Variants in TEX14 observed in about 807,000 individuals in gnomAD.
TEX14 encodes inactive serine/threonine-protein kinase TEX14.
A neutral mutation model predicts 178.6 loss-of-function variants in TEX14; 168 were observed. The ratio of observed to expected loss-of-function variants is 0.94; its 90% CI spans 0.83 to 1.07. The LOEUF (loss-of-function observed/expected upper bound fraction) is 1.07. Among genes scored for constraint, TEX14 ranks in the 50% least tolerant of loss-of-function variants. The pLI is 0.00. For missense variants in TEX14, 1,730 were observed against 1,753.6 expected, an observed-to-expected ratio of 0.99 and a Z score of 0.24; for synonymous variants, 626 against 634.1, an observed-to-expected ratio of 0.99 and a Z score of 0.19.
intron 5 of TEX14, among the ~76,000 whole-genome samples, chr17:58,620,544 A>T (rs1321748397): frequency 6.6e-6 from 1 of 151,792 alleles, no homozygotes; most frequent in Non-Finnish European, 1.5e-5. Flanking sequence ...CCCAGGCTGG[A>T]GTGCAGTGGT....
In TEX14 at chr17:58,559,437, A is replaced by G. The variant is rs376081746; in HGVS notation, c.4267+16T>C. The G allele has an allele frequency of 9.9e-6, 11 of 1,114,862 alleles. No individual in the cohort carries two copies. The highest frequency in any genetic ancestry group is 1.8e-5 in the Admixed American group (1 of 55,528). 69.1% of individuals were successfully genotyped at this position (1,114,862 alleles called of 1,614,324 possible). A position where few individuals can be genotyped will look rare whatever the true frequency, so the allele number is the denominator to read the frequency against. On this transcript the variant is annotated intron_variant, in intron 30 of 31. Coordinates refer to ENST00000349033, the MANE Select transcript of TEX14 (RefSeq NM_031272.5). ...AAGGACTACAGACTACATTATAAACATACATTAATTCATACCTTCTTCAGA... is the reference window on the plus strand; with the variant it reads ...AAGGACTACAGACTACATTATAAACGTACATTAATTCATACCTTCTTCAGA...
chr17:58,645,484 G>A (rs960513607), intron 2 of TEX14, among the ~76,000 whole-genome samples: 3 of 151,876 alleles, frequency 2.0e-5, no homozygotes, highest in South Asian at 2.1e-4. Context: ...TTGGCCTCCC[G>A]AGTAGCTGGG....
In TEX14 at chr17:58,630,424, A is replaced by G. The variant is rs1325957903; in HGVS notation, c.251+16T>C. The G allele has an allele frequency of 4.5e-6, 7 of 1,548,702 alleles. No homozygotes were observed. The highest frequency in any genetic ancestry group is 4.5e-5 in the East Asian group (2 of 44,542). On this transcript the variant is annotated intron_variant, in intron 3 of 31. Transcript: ENST00000349033. ...CACAACCCCTATTTTCTAGACATCA[A>G]TATTATTGTACTTACTGATTTGGAT...
At chr17:58,561,341 T>C (rs992473714) in intron 29 of TEX14, among the ~76,000 whole-genome samples, 179 bp downstream of exon 29, 6 of 152,194 alleles carry the variant, frequency 3.9e-5, no homozygotes, top group Non-Finnish European at 8.8e-5. Context: ...AATCAATATC[T>C]TGAGTACTGT....
intron 3 of TEX14, 103 bp from the exon 4 acceptor site, chr17:58,623,115 G>T: frequency 9.6e-7 from 1 of 1,045,258 alleles, no homozygotes; most frequent in Non-Finnish European, 1.4e-6. Context: ...ACAAGGCAAC[G>T]TTGGTGACGA....
chr17:58,648,785 T>C (rs561054614), intron 2 of TEX14, among the ~76,000 whole-genome samples: 268 of 138,702 alleles, frequency 1.9e-3, no homozygotes, highest in African/African-American at 7.1e-3. Flanking sequence ...TCTTTTTTTT[T>C]CTTTTTTTTT....
chr17:58,642,079 A>T (rs894822200), intron 2 of TEX14, among the ~76,000 whole-genome samples: 3 of 152,084 alleles, frequency 2.0e-5, no homozygotes, highest in African/African-American at 7.2e-5. Context: ...AGTCTGAATG[A>T]CTCATCTTCC....
chr17:58,662,360 G>A (rs1487600672), intron 1 of TEX14, among the ~76,000 whole-genome samples: 1 of 151,482 alleles, frequency 6.6e-6, no homozygotes, highest in Non-Finnish European at 1.5e-5. Flanking sequence ...TGAGGCAGGA[G>A]AATTGCTTGT....
chr17:58,656,024 G>C lies in TEX14; in HGVS notation c.-1-4022C>G, dbSNP rs142198310. Among the ~76,000 whole-genome samples the C allele has an allele frequency of 1.2e-3, 182 of 152,300 alleles. 1 individual carries two copies. The highest frequency in any genetic ancestry group is 4.3e-3 in the African/African-American group (178 of 41,572). ...CAGTTCAGAAACCTGGTTTTGGTTG[G>C]GCGCGATGGCTCACACCTGTAATCC... is the stretch of plus-strand genomic sequence containing the variant. On this transcript the variant is annotated intron_variant, in intron 1 of 31. Transcript: ENST00000349033.
rs1052568079 is a variant in TEX14 at position 58,569,436 on chromosome 17, T to C, written c.3818-176A>G. ...CAGTAGAGACCTCCTAACATGTGAA[T>C]GGCCTTTACTCCCCACTTCTACCCC... On this transcript the variant is annotated intron_variant, in intron 25 of 31. Coordinates refer to ENST00000349033, the MANE Select transcript of TEX14 (RefSeq NM_031272.5). This position sits in a 1 kb window ranked among gnomAD's most constrained non-coding sequence, Gnocchi z 4.1. Among the ~76,000 whole-genome samples the C allele has an allele frequency of 1.3e-5, 2 of 152,160 alleles. No homozygotes were observed. Among genetic ancestry groups the C allele is most frequent in the Admixed American group, 6.5e-5 (1 of 15,268 alleles).
At chr17:58,677,850 A>G (rs2047419762) in intron 1 of TEX14, 1 of 152,252 alleles carries the variant, frequency 6.6e-6, no homozygotes, top group Admixed American at 6.5e-5. Flanking sequence ...AGACTTTTCC[A>G]AAGTTTAAGA....
At chr17:58,686,370 T>C (rs1057282641) in intron 1 of TEX14, among the ~76,000 whole-genome samples, 7 of 151,990 alleles carry the variant, frequency 4.6e-5, no homozygotes, top group Admixed American at 2.0e-4. Flanking sequence ...AGGATGGATA[T>C]GTGGTTCATG....
At chr17:58,570,356 C>T in intron 25 of TEX14, 29 bp downstream of exon 25, 2 of 1,420,472 alleles carry the variant, frequency 1.4e-6, no homozygotes, top group Non-Finnish European at 1.9e-6. Context: ...TGATTATAAA[C>T]TTCTATTTTG....
chr17:58,621,547 G>C lies in TEX14; in HGVS notation c.554+103C>G. 5 of 1,224,746 alleles carry C rather than the reference G, an allele frequency of 4.1e-6. No homozygotes were observed. In the South Asian group the frequency reaches 7.9e-5, roughly 19 times the overall value. 75.9% of individuals were successfully genotyped at this position (1,224,746 alleles called of 1,614,324 possible). Reference sequence around the variant, plus strand: ...ACCCCTTTGGATGGGCCAGATGCCAGAGGGCACTGATGTGGAGGAGCTGAG... The same window carrying C: ...ACCCCTTTGGATGGGCCAGATGCCACAGGGCACTGATGTGGAGGAGCTGAG... On this transcript the variant is annotated intron_variant, in intron 5 of 31. Transcript: ENST00000349033.
intron 1 of TEX14, among the ~76,000 whole-genome samples, chr17:58,655,610 G>T (rs916892745): frequency 6.6e-6 from 1 of 152,070 alleles, no homozygotes; most frequent in Admixed American, 6.6e-5. Context: ...GTGAGCCACC[G>T]CACCTGGCCA....
At position 58,625,175 on chromosome 17, in the gene TEX14, C is replaced by T. The variant is rs9903031; in HGVS notation, c.252-2163G>A. ...GAGACGAAGTCTCGCTCTTGTCCCC[C>T]AGGCTGCAGTACAATGGTGCAATCT... On this transcript the variant is annotated intron_variant, in intron 3 of 31. Transcript: ENST00000349033. Among the ~76,000 whole-genome samples, 179 of 152,142 alleles carry T rather than the reference C, an allele frequency of 1.2e-3. 1 individual carries two copies. The highest frequency in any genetic ancestry group is 4.2e-3 in the African/African-American group (176 of 41,506).
intron 8 of TEX14, among the ~76,000 whole-genome samples, chr17:58,614,536 T>TA (rs2045826120): frequency 6.6e-6 from 1 of 152,182 alleles, no homozygotes; most frequent in Non-Finnish European, 1.5e-5. Flanking sequence ...GGAATTCACC[T>TA]AAGGTTGCAT....
chr17:58,581,861 T>G (rs1314936054), intron 19 of TEX14: 1 of 972,352 alleles, frequency 1.0e-6, no homozygotes, highest in Admixed American at 2.5e-5. Context: ...GAGCTGACTC[T>G]CCCTACCTCT....
intron 5 of TEX14, among the ~76,000 whole-genome samples, chr17:58,618,783 TGTCCC>T (rs1427697217): frequency 2.0e-5 from 3 of 152,260 alleles, no homozygotes; most frequent in Non-Finnish European, 4.4e-5. Context: ...AGTGCCAAGC[TGTCCC>T]GTCTCTGCTT....
Sources: gnomAD v4.1 joint callset for allele counts (sites outside exome capture counted in the v4.1 genomes callset) on GRCh38, gnomAD v4.1.1 for gene constraint, Gnocchi (gnomAD v3.1) non-coding constraint, MANE v1.5 for transcripts, NCBI Gene and HGNC (gene_info 2026-07-23, HGNC 2026-07-21) for gene names.